The following SACS variants were observed in gnomAD, a reference collection of about 807,000 sequenced individuals.
The protein encoded by SACS is sacsin molecular chaperone.
A neutral mutation model predicts 348.0 loss-of-function variants in SACS; 197 were observed. The observed-to-expected ratio is 0.57, with a 90% CI of 0.50 to 0.64. The LOEUF is 0.64. Ranked by LOEUF, SACS falls within the 30% of genes least tolerant of loss-of-function variation. The pLI is 0.00. For synonymous variants in SACS, 1,985 were observed against 1,910.6 expected (o/e 1.04, Z -1.02); for missense variants, 4,999 against 5,360.8 (o/e 0.93, Z 2.11).
intron 9 of SACS, among the ~76,000 whole-genome samples, chr13:23,351,001 T>C (rs182658620): frequency 9.2e-5 from 14 of 152,258 alleles, no homozygotes; most frequent in Middle Eastern, 6.8e-3. Flanking sequence ...TGGGAGTCAA[T>C]AGAAATCCAA....
intron 2 of SACS, among the ~76,000 whole-genome samples, chr13:23,391,563 C>A (rs921845750): frequency 6.4e-5 from 7 of 110,202 alleles, no homozygotes; most frequent in Non-Finnish European, 1.4e-4. Context: ...TGCTCTACAT[C>A]GGGACTCTGC....
intron 1 of SACS, among the ~76,000 whole-genome samples, chr13:23,430,817 TTTG>T (rs2138028830): frequency 6.6e-6 from 1 of 152,224 alleles, no homozygotes; most frequent in Admixed American, 6.5e-5. Flanking sequence ...AAAACAAATG[TTTG>T]TCTGGATGTA....
At chr13:23,399,739 G>A (rs1464246791) in intron 2 of SACS, among the ~76,000 whole-genome samples, 2 of 151,982 alleles carry the variant, frequency 1.3e-5, no homozygotes, top group Non-Finnish European at 2.9e-5. Context: ...TCCTTTGAGT[G>A]CTCGTTTTCC....
At chr13:23,395,913 A>AT (rs1260642034) in intron 2 of SACS, among the ~76,000 whole-genome samples, 1 of 152,202 alleles carries the variant, frequency 6.6e-6, no homozygotes, top group East Asian at 1.9e-4. Flanking sequence ...TTATATACGT[A>AT]TGCATGTATG....
At position 23,330,782 on chromosome 13, in the gene SACS, T is replaced by G. The variant is rs759419003; in HGVS notation, c.13094A>C (p.Gln4365Pro). The stretch of plus-strand genomic sequence containing the variant: ...GTCTGCATTTTGATCTAGAAAAGCC[T>G]GTTTTTCTAATCTGTTGATTTCATT... ...LQNEINRLEK[Q>P]AFLDQNADRA... Residue 4365 changes from glutamine to proline, a missense_variant, in exon 10 of 10, where the codon CAG (glutamine) becomes CCG (proline). By Grantham distance (76) the Gln-to-Pro change is moderately conservative. Around this residue, in one of 6 missense-constraint regions of SACS, gnomAD observed 254 missense variants for 275.1 expected, o/e 0.92. Coordinates refer to ENST00000382292, the MANE Select transcript of SACS (RefSeq NM_014363.6). 6.2e-7 allele frequency: 1 copy of G among 1,613,826 alleles called. No individual in the cohort carries two copies. The highest frequency in any genetic ancestry group is 8.5e-7 in the Non-Finnish European group (1 of 1,179,888).
At chr13:23,422,932 T>A (rs557544650) in intron 1 of SACS, among the ~76,000 whole-genome samples, 13 of 152,238 alleles carry the variant, frequency 8.5e-5, no homozygotes, top group Non-Finnish European at 1.9e-4. Context: ...AAAAAAGCTA[T>A]GTGCGAAGAA....
Position 23,413,972 on chromosome 13 carries a change from T to C in SACS, c.-501-2232A>G, listed in dbSNP as rs1264204450. 4.6e-5 allele frequency among the ~76,000 whole-genome samples: 7 copies of C among 152,284 alleles called. No individual in the cohort carries two copies. The East Asian group carries it at 1.4e-3, about 29-fold the overall frequency. Reference sequence around the variant, plus strand: ...TAAAATTAAAAGAGGTCATGTATAATAAAGTAAAGGATTAGGATCAATTTC... The same window carrying C: ...TAAAATTAAAAGAGGTCATGTATAACAAAGTAAAGGATTAGGATCAATTTC... On this transcript the variant is annotated intron_variant, in intron 1 of 9. Transcript: ENST00000382292.
rs533086795 is a variant in SACS, at chr13:23,352,883, T to C, written c.2185+902A>G. Among the ~76,000 whole-genome samples, 4 of 152,354 alleles carry C rather than the reference T, an allele frequency of 2.6e-5. No individual in the cohort carries two copies. The East Asian group carries it at 7.7e-4, about 29-fold the overall frequency. On this transcript the variant is annotated intron_variant, in intron 9 of 9. Coordinates refer to ENST00000382292, the MANE Select transcript of SACS (RefSeq NM_014363.6). ...ACTCCAACCTAACTTGCCTCTCCCA[T>C]TCCAACTCATTTCACTTATATTTTA...
In SACS at chr13:23,335,756, A is replaced by G. The variant is rs1351895441; in HGVS notation, c.8120T>C (p.Met2707Thr). Residue 2707 changes from methionine to threonine, a missense_variant, in exon 10 of 10, where the codon ATG (methionine) becomes ACG (threonine). Physicochemically the swap from Met to Thr is moderately conservative, Grantham distance 81 (BLOSUM62 -1). Around this residue, in one of 6 missense-constraint regions of SACS, gnomAD observed 3,156 missense variants for 3,380.1 expected, o/e 0.93. Transcript: ENST00000382292. This position sits in a 1 kb window ranked among gnomAD's most constrained non-coding sequence, Gnocchi z 4.7. ...AGACGAAATTTCCGAAACTTTTGCC[A>G]TTTCTGCATTACGAAGAGGAAATCT... ...MFRFPLRNAE[M>T]AKVSEISSVP... The G allele has an allele frequency of 6.2e-7, 1 of 1,613,902 alleles. No individual in the cohort carries two copies. Among genetic ancestry groups the G allele is most frequent in the African/African-American group, 1.3e-5 (1 of 74,914 alleles).
At chr13:23,392,923 T>G (rs1359566881) in intron 2 of SACS, among the ~76,000 whole-genome samples, 2 of 152,196 alleles carry the variant, frequency 1.3e-5, no homozygotes, top group Non-Finnish European at 2.9e-5. Flanking sequence ...CATGAAATAC[T>G]GGGCAGGACT....
Position 23,375,188 on chromosome 13 carries a change from C to T in SACS, c.102G>A (p.Val34=). 1 of 1,505,902 alleles carries T rather than the reference C, an allele frequency of 6.6e-7. No homozygotes were observed. 93.3% of individuals were successfully genotyped at this position (1,505,902 alleles called of 1,614,324 possible). A position where few individuals can be genotyped will look rare whatever the true frequency, so the allele number is the denominator to read the frequency against. ...AALASWTVRD[V]KERIFAETGF... ...CAGTCTCCGCGAAGATACGTTCCTT[C>T]ACATCGCGCACGGTCCAGGACGCCA... Residue 34 remains valine (V), a synonymous_variant, in exon 3 of 10, where the codon GTG becomes GTA. Transcript: ENST00000382292.
intron 2 of SACS, among the ~76,000 whole-genome samples, chr13:23,376,681 G>GT (rs905588919): frequency 7.0e-4 from 106 of 152,330 alleles, no homozygotes; most frequent in African/African-American, 2.2e-3. Flanking sequence ...GGAGAGGTAA[G>GT]TAAGTATGCT....
intron 2 of SACS, among the ~76,000 whole-genome samples, chr13:23,389,981 C>T (rs1872465985): frequency 6.6e-6 from 1 of 152,014 alleles, no homozygotes; most frequent in Admixed American, 6.6e-5. Flanking sequence ...TTTATATTTC[C>T]TACAATTATG....
At chr13:23,354,026 G>A (rs1258090201) in intron 8 of SACS, 150 bp from the exon 9 acceptor site, 8 of 647,464 alleles carry the variant, frequency 1.2e-5, no homozygotes, top group Non-Finnish European at 2.2e-5. Flanking sequence ...CAATATTTTT[G>A]ATCAAATATT....
chr13:23,349,994 G>C (rs1378054923), intron 9 of SACS, among the ~76,000 whole-genome samples: 4 of 152,196 alleles, frequency 2.6e-5, no homozygotes, highest in Non-Finnish European at 5.9e-5. Context: ...AAGAGCTGAG[G>C]AAGGAGCCCC....
rs747465682 is a variant in SACS, at chr13:23,339,016, T to G, written c.4860A>C (p.Pro1620=). The G allele has an allele frequency of 6.2e-7, 1 of 1,613,848 alleles. No individual in the cohort carries two copies. Among genetic ancestry groups the G allele is most frequent in the Non-Finnish European group, 8.5e-7 (1 of 1,179,950 alleles). ...ACTGACAGCCAAATACATCTATAAA[T>G]GGTTTGAACTGATTAGGAAATTTTC... is the stretch of plus-strand genomic sequence containing the variant. ...RLRKFPNQFK[P]FIDVFGCQLP... is the part of the protein sequence containing the mutation. The change falls in exon 10 of 10, where the codon CCA becomes CCC. Residue 1620 remains proline (P), a synonymous_variant. Transcript: ENST00000382292.
chr13:23,402,198 T>C (rs1873009018), intron 2 of SACS, among the ~76,000 whole-genome samples: 1 of 150,216 alleles, frequency 6.7e-6, no homozygotes, highest in African/African-American at 2.5e-5. Flanking sequence ...AAAAAAAGAC[T>C]TTCCAGAGAT....
At chr13:23,403,163 G>A (rs1197377627) in intron 2 of SACS, among the ~76,000 whole-genome samples, 1 of 151,572 alleles carries the variant, frequency 6.6e-6, no homozygotes, top group Non-Finnish European at 1.5e-5. Context: ...GGGCAACAGA[G>A]TGAGACTCCA....
In SACS at chr13:23,330,754, C is replaced by T; in HGVS notation, c.13122G>A (p.Arg4374=). Residue 4374 remains arginine, a synonymous_variant, in exon 10 of 10, where the codon AGG becomes AGA. Coordinates refer to ENST00000382292, the MANE Select transcript of SACS (RefSeq NM_014363.6). Reference sequence around the variant, plus strand: ...AGGTTGAAAATGTTCGTCTGGAGGCCCTGTCTGCATTTTGATCTAGAAAAG... The same window carrying T: ...AGGTTGAAAATGTTCGTCTGGAGGCTCTGTCTGCATTTTGATCTAGAAAAG... The part of the protein sequence containing the change: ...KQAFLDQNAD[R]ASRRTFSTSA... 4 of 1,613,726 alleles carry T rather than the reference C, an allele frequency of 2.5e-6. No individual in the cohort carries two copies. Among genetic ancestry groups the T allele is most frequent in the Non-Finnish European group, 3.4e-6 (4 of 1,179,880 alleles).
Sources: allele counts gnomAD v4.1 joint callset (sites outside exome capture counted in the v4.1 genomes callset), GRCh38; gene constraint gnomAD v4.1.1; regional missense constraint gnomAD v4.1.1; non-coding constraint Gnocchi (gnomAD v3.1); transcripts MANE v1.5; gene names NCBI Gene and HGNC (gene_info 2026-07-23, HGNC 2026-07-21).